DNAH7: variants seen among roughly 807,000 people sequenced by gnomAD.
The protein encoded by DNAH7 is dynein axonemal heavy chain 7.
DNAH7 carries 397 observed loss-of-function variants against 444.6 expected under a neutral mutation model. The ratio of observed to expected loss-of-function variants is 0.89; its 90% CI spans 0.82 to 0.97. DNAH7 has a LOEUF of 0.97. Among genes scored for constraint, DNAH7 ranks in the 50% least tolerant of loss-of-function variants. The pLI is 0.00. For missense variants in DNAH7, 4,902 were observed against 4,800.8 expected, an observed-to-expected ratio of 1.02 and a Z score of -0.62; for synonymous variants, 1,636 against 1,624.4, an observed-to-expected ratio of 1.01 and a Z score of -0.17.
chr2:195,745,296 G>C (rs1024864086), intron 63 of DNAH7, among the ~76,000 whole-genome samples: 12 of 152,104 alleles, frequency 7.9e-5, no homozygotes, highest in African/African-American at 2.7e-4. Context: ...GAGAAGGGAA[G>C]TTTAGAGAAA....
At chr2:196,027,372 G>C (rs973349218) in intron 6 of DNAH7, among the ~76,000 whole-genome samples, 8 of 151,546 alleles carry the variant, frequency 5.3e-5, no homozygotes, top group African/African-American at 1.9e-4. Flanking sequence ...TTTCCAACTG[G>C]CCTATTAATA....
chr2:195,907,227 T>C, intron 25 of DNAH7, among the ~76,000 whole-genome samples: 1 of 151,936 alleles, frequency 6.6e-6, no homozygotes, highest in Admixed American at 6.5e-5. Context: ...AATTAACATT[T>C]TTCTCCTTTC....
In DNAH7 at chr2:196,001,668, T is replaced by C. The variant is rs1340121341; in HGVS notation, c.1173+7A>G. The C allele has an allele frequency of 3.9e-6, 6 of 1,537,436 alleles. No homozygotes were observed. Among genetic ancestry groups the C allele is most frequent in the Non-Finnish European group, 5.3e-6 (6 of 1,142,776 alleles). On this transcript the variant is annotated splice_region_variant and intron_variant, in intron 11 of 64. Coordinates refer to ENST00000312428, the MANE Select transcript of DNAH7 (RefSeq NM_018897.3). ...AAATACATATTGGTGAACTGAACCA[T>C]ACTTACTGGGGGTTGTGCAATTAAG...
intron 48 of DNAH7, among the ~76,000 whole-genome samples, chr2:195,831,956 T>A (rs1029157081): frequency 6.6e-6 from 1 of 152,210 alleles, no homozygotes; most frequent in East Asian, 1.9e-4. Context: ...TAAAATGAAG[T>A]GGCTGGAATC....
chr2:195,981,969 C>T (rs1692604260), intron 15 of DNAH7, among the ~76,000 whole-genome samples: 1 of 152,134 alleles, frequency 6.6e-6, no homozygotes. Context: ...CAAATGGGAT[C>T]ACATCCAGTT....
chr2:195,818,148 T>C (rs1381832965), intron 49 of DNAH7, among the ~76,000 whole-genome samples: 1 of 152,182 alleles, frequency 6.6e-6, no homozygotes, highest in Non-Finnish European at 1.5e-5. Flanking sequence ...TTGGAAGCTA[T>C]CTTTCATTTC....
rs1693979625 is a variant in DNAH7 at position 196,000,695 on chromosome 2, G to T, written c.1353+9C>A. On this transcript the variant is annotated intron_variant, in intron 12 of 64. Coordinates refer to ENST00000312428, the MANE Select transcript of DNAH7 (RefSeq NM_018897.3). ...AAATTCAAGCAATCTTAATATCCTT[G>T]TTACTTACCCACTTGGAATACAATT... 5 of 1,531,468 alleles carry T rather than the reference G, an allele frequency of 3.3e-6. No individual in the cohort carries two copies. The highest frequency in any genetic ancestry group is 3.5e-6 in the Non-Finnish European group (4 of 1,137,964). The allele number at this position is 1,531,468 out of a possible 1,614,324, so 94.9% of individuals were successfully genotyped here. A position where few individuals can be genotyped will look rare whatever the true frequency, so the allele number is the denominator to read the frequency against.
At chr2:196,010,985 G>C (rs967144997) in intron 10 of DNAH7, among the ~76,000 whole-genome samples, 3 of 152,136 alleles carry the variant, frequency 2.0e-5, no homozygotes, top group Admixed American at 2.0e-4. Context: ...TAGAATGGCG[G>C]TTAAGAGAAG....
At chr2:195,798,879 C>T (rs567176667) in intron 55 of DNAH7, among the ~76,000 whole-genome samples, 6 of 151,988 alleles carry the variant, frequency 3.9e-5, no homozygotes, top group South Asian at 2.1e-4. Flanking sequence ...GTGACCACAA[C>T]GTACAATTGT....
At chr2:195,955,581 G>A (rs1180601320) in intron 19 of DNAH7, among the ~76,000 whole-genome samples, 1 of 146,626 alleles carries the variant, frequency 6.8e-6, no homozygotes, top group East Asian at 1.9e-4. Context: ...ATTAGGGTAA[G>A]TAATGTTTTT....
chr2:196,004,370 G>A (rs752291763), intron 10 of DNAH7, among the ~76,000 whole-genome samples: 2 of 152,176 alleles, frequency 1.3e-5, no homozygotes, highest in East Asian at 3.8e-4. Context: ...TTGCTTCTGA[G>A]AGTAGATCAA....
Position 195,914,854 on chromosome 2 carries a change from G to GT in DNAH7, c.3936-4660dup, listed in dbSNP as rs144688301. 0.02 allele frequency among the ~76,000 whole-genome samples: 2,977 copies of GT among 152,018 alleles called. 249 individuals are homozygous for GT. In the East Asian group the frequency reaches 0.27, roughly 14 times the overall value. On this transcript the variant is annotated intron_variant, in intron 24 of 64. Coordinates refer to ENST00000312428, the MANE Select transcript of DNAH7 (RefSeq NM_018897.3). ...AATTTTTGTATTTTTAGTAGACAGG[G>GT]TTTCACCATGTTGGCTAGGCTGGTC...
intron 24 of DNAH7, among the ~76,000 whole-genome samples, chr2:195,913,521 A>G (rs1231987477): frequency 1.3e-5 from 2 of 152,232 alleles, no homozygotes; most frequent in East Asian, 3.9e-4. Context: ...GAGAATATAA[A>G]GCACAAAATA....
intron 63 of DNAH7, among the ~76,000 whole-genome samples, chr2:195,748,493 T>C (rs925407810): frequency 3.9e-5 from 6 of 152,100 alleles, no homozygotes; most frequent in Non-Finnish European, 5.9e-5. Context: ...TACTTTAAAG[T>C]TCATATGGAA....
At chr2:195,834,677 C>G (rs759930324) in intron 47 of DNAH7, among the ~76,000 whole-genome samples, 1 of 152,188 alleles carries the variant, frequency 6.6e-6, no homozygotes, top group South Asian at 2.1e-4. Flanking sequence ...TGACAACCAT[C>G]AAGAGGACTG....
chr2:195,951,338 C>T (rs1690242605), intron 19 of DNAH7, among the ~76,000 whole-genome samples: 1 of 152,076 alleles, frequency 6.6e-6, no homozygotes, highest in African/African-American at 2.4e-5. Context: ...TTTGCATTTG[C>T]TGAGGAGTGT....
chr2:195,796,839 G>A, intron 55 of DNAH7, 102 bp from the exon 56 acceptor site: 2 of 1,278,334 alleles, frequency 1.6e-6, no homozygotes, highest in South Asian at 1.8e-5. Flanking sequence ...AACTTAATTG[G>A]GTCACATGTC....
intron 1 of DNAH7, among the ~76,000 whole-genome samples, chr2:196,062,721 G>T (rs1698197040): frequency 1.3e-5 from 2 of 152,132 alleles, no homozygotes; most frequent in African/African-American, 4.8e-5. Context: ...CTTTATTGAA[G>T]ACAGTGCTTT....
At chr2:195,834,121 C>G in intron 48 of DNAH7, 85 bp downstream of exon 48, 2 of 1,343,744 alleles carry the variant, frequency 1.5e-6, no homozygotes, top group African/African-American at 1.4e-5. Flanking sequence ...GTGGGAGGAT[C>G]GCTTGAAACA....
Sources: allele counts gnomAD v4.1 joint callset (sites outside exome capture counted in the v4.1 genomes callset), GRCh38; gene constraint gnomAD v4.1.1; transcripts MANE v1.5; gene names NCBI Gene and HGNC (gene_info 2026-07-23, HGNC 2026-07-21).